TOPBP1: variants seen among roughly 807,000 people sequenced by gnomAD.
TOPBP1 encodes the protein DNA topoisomerase II binding protein 1.
A neutral mutation model predicts 167.7 loss-of-function variants in TOPBP1; 28 were observed. The ratio of observed to expected loss-of-function variants is 0.17; its 90% confidence interval spans 0.12 to 0.23. The LOEUF (loss-of-function observed/expected upper bound fraction) is 0.23, where lower values mean the gene tolerates loss of function less well. TOPBP1 is among the 10% of genes least tolerant of loss of function. TOPBP1 has a pLI of 1.00. For synonymous variants in TOPBP1, 598 were observed against 611.4 expected (o/e 0.98, Z 0.32); for missense variants, 1,554 against 1,809.6 (o/e 0.86, Z 2.56).
intron 25 of TOPBP1, 91 bp from the exon 26 acceptor site, chr3:133,609,053 G>C (rs1934590617): frequency 1.9e-6 from 2 of 1,051,018 alleles, no homozygotes; most frequent in Non-Finnish European, 2.8e-6. Flanking sequence ...ACTTAGTTTT[G>C]TCAATAAATC....
At position 133,621,481 on chromosome 3, in the gene TOPBP1, T is replaced by A. The variant is rs191891055; in HGVS notation, c.3179-1134A>T. Among the ~76,000 whole-genome samples the A allele has an allele frequency of 4.6e-5, 7 of 152,274 alleles. No homozygotes were observed. The East Asian group carries it at 1.3e-3, about 29-fold the overall frequency. ...AGTAAAAAAAATAAAATATAACTAT[T>A]TACAAAACATTTACAGTGCATTAGG... On this transcript the variant is annotated intron_variant, in intron 19 of 27. Coordinates refer to ENST00000260810, the MANE Select transcript of TOPBP1 (RefSeq NM_007027.4).
chr3:133,621,636 G>A (rs534680594), intron 19 of TOPBP1, among the ~76,000 whole-genome samples: 263 of 152,176 alleles, frequency 1.7e-3, no homozygotes, highest in African/African-American at 6.1e-3. Context: ...GTAAGTCCTC[G>A]GAACCACTGC....
chr3:133,638,227 A>G (rs1179327200), intron 13 of TOPBP1, 65 bp from the exon 14 acceptor site: 3 of 1,451,242 alleles, frequency 2.1e-6, no homozygotes, highest in Non-Finnish European at 2.9e-6. Context: ...CCGGTACACA[A>G]GAAGTAATAT....
Position 133,640,122 on chromosome 3 carries a change from A to G in TOPBP1, c.2070T>C (p.Phe690=), listed in dbSNP as rs1198008542. 5.6e-6 allele frequency: 9 copies of G among 1,613,824 alleles called. No individual in the cohort carries two copies. The highest frequency in any genetic ancestry group is 7.6e-6 in the Non-Finnish European group (9 of 1,179,834). The change falls in exon 13 of 28, where the codon TTT becomes TTC. Residue 690 remains phenylalanine, a synonymous_variant. Coordinates refer to ENST00000260810, the MANE Select transcript of TOPBP1 (RefSeq NM_007027.4). ...VRKSNAKKGM[F]ASTHLILKER... ...CTTTCAGTATAAGATGAGTACTGGC[A>G]AACATGCCTTTCTTTGCATTGGATT...
Position 133,601,305 on chromosome 3 carries a change from T to C in TOPBP1, c.4514A>G (p.Gln1505Arg). Residue 1505 changes from glutamine (Q) to arginine (R), a missense_variant, in exon 28 of 28, where the codon CAA (glutamine) becomes CGA (arginine). Around this residue, in one of 3 missense-constraint regions of TOPBP1, gnomAD observed 351 missense variants for 432.9 expected, o/e 0.81. Transcript: ENST00000260810. ...TTTTTCTGTAGGAGCTTTCCTCTTT[T>C]GTGATAATCCAGTCCCAAGTTCCTT... ...NNKELGTGLS[Q>R]KRKAPTEKNK... 6.2e-7 allele frequency: 1 copy of C among 1,608,108 alleles called. No individual in the cohort carries two copies.
intron 25 of TOPBP1, among the ~76,000 whole-genome samples, chr3:133,609,688 C>T (rs925072208): frequency 1.3e-5 from 2 of 152,182 alleles, no homozygotes; most frequent in African/African-American, 4.8e-5. Context: ...CTTCTCTCTC[C>T]TGCCACCATG....
At chr3:133,630,301 C>CTT (rs35595195) in intron 14 of TOPBP1, among the ~76,000 whole-genome samples, 1 of 137,578 alleles carries the variant, frequency 7.3e-6, no homozygotes, top group African/African-American at 2.7e-5. Flanking sequence ...TGCCATGGAG[C>CTT]TTTTTTTTTT....
At chr3:133,655,531 G>A (rs1377144816) in intron 5 of TOPBP1, 45 bp from the exon 6 acceptor site, 2 of 1,072,016 alleles carry the variant, frequency 1.9e-6, no homozygotes, top group South Asian at 2.9e-5. Context: ...AAATTTACCA[G>A]AAGAATAATG....
At position 133,618,429 on chromosome 3, in the gene TOPBP1, A is replaced by G; in HGVS notation, c.3376T>C (p.Ser1126Pro). 1.9e-6 allele frequency: 3 copies of G among 1,613,366 alleles called. No individual in the cohort carries two copies. The highest frequency in any genetic ancestry group is 2.5e-6 in the Non-Finnish European group (3 of 1,179,390). ...TTGACATCAGGTACTGTCTGACGAG[A>G]CTGCCTAAGGAATAGAAGTGACAGT... ...RSRVLEALRQ[S>P]RQTVPDVNTE... The change falls in exon 21 of 28, where the codon TCT (serine) becomes CCT (proline). Residue 1126 changes from serine to proline, a missense_variant. Physicochemically the swap from Ser to Pro is moderately conservative, Grantham distance 74 (BLOSUM62 -1). This residue lies in a region of TOPBP1 where 1,197 missense variants were observed against 1,351.5 expected (regional missense o/e 0.89). Coordinates refer to ENST00000260810, the MANE Select transcript of TOPBP1 (RefSeq NM_007027.4).
rs1294846431 is a variant in TOPBP1 at position 133,600,911 on chromosome 3, G to C, written c.*339C>G. On this transcript the variant is annotated 3_prime_UTR_variant, in exon 28 of 28. Coordinates refer to ENST00000260810, the MANE Select transcript of TOPBP1 (RefSeq NM_007027.4). ...GAATTTGTAAGGCAGACATTTTAAA[G>C]CAAAATCCATTACCTTGCTAAAATT... is the stretch of plus-strand genomic sequence containing the variant. 1 of 160,102 alleles carries C rather than the reference G, an allele frequency of 6.2e-6. No homozygotes were observed. The highest frequency in any genetic ancestry group is 2.4e-5 in the African/African-American group (1 of 41,582). The allele number at this position is 160,102 out of a possible 1,614,324, so 9.9% of individuals were successfully genotyped here. A position where few individuals can be genotyped will look rare whatever the true frequency, so the allele number is the denominator to read the frequency against.
Position 133,639,839 on chromosome 3 carries a change from T to G in TOPBP1, c.2233+120A>C, listed in dbSNP as rs1441891715. The G allele has an allele frequency of 5.4e-6, 5 of 931,398 alleles. No individual in the cohort carries two copies. The African/African-American group carries it at 8.3e-5, about 15-fold the overall frequency. 57.7% of individuals were successfully genotyped at this position (931,398 alleles called of 1,614,324 possible). On this transcript the variant is annotated intron_variant, in intron 13 of 27. Transcript: ENST00000260810. Reference sequence around the variant, plus strand: ...AGACTTCGAACACTGAGACCCTCACTGCACCCAATGTGAAAAGCAAAAATC... The same window carrying G: ...AGACTTCGAACACTGAGACCCTCACGGCACCCAATGTGAAAAGCAAAAATC...
In TOPBP1 at chr3:133,652,648, TA is replaced by T; in HGVS notation, c.923-20del. ...GTACGACCTACATATTTTGAAAACG[TA>T]TAAATTTATGGGAGATAAAATAATC... is the stretch of plus-strand genomic sequence containing the variant. On this transcript the variant is annotated intron_variant, in intron 7 of 27. Coordinates refer to ENST00000260810, the MANE Select transcript of TOPBP1 (RefSeq NM_007027.4). The T allele has an allele frequency of 6.4e-7, 1 of 1,571,000 alleles. No individual in the cohort carries two copies. Among genetic ancestry groups the T allele is most frequent in the Non-Finnish European group, 8.6e-7 (1 of 1,159,044 alleles).
rs1449921658 is a variant in TOPBP1, at chr3:133,628,747, G to A, written c.2521-14C>T. The A allele has an allele frequency of 3.2e-6, 5 of 1,545,338 alleles. No homozygotes were observed. The East Asian group carries it at 9.8e-5, about 30-fold the overall frequency. ...TGCAAGTGCATCCTATACATATGAA[G>A]GAGAGAGAGAGATGGAGAAAAGAAG... is the stretch of plus-strand genomic sequence containing the variant. On this transcript the variant is annotated splice_polypyrimidine_tract_variant and intron_variant, in intron 14 of 27. Coordinates refer to ENST00000260810, the MANE Select transcript of TOPBP1 (RefSeq NM_007027.4).
intron 25 of TOPBP1, among the ~76,000 whole-genome samples, chr3:133,609,256 A>C (rs144014213): frequency 6.6e-6 from 1 of 152,286 alleles, no homozygotes; most frequent in East Asian, 1.9e-4. Flanking sequence ...CTTTTGATTA[A>C]TCAAGGGAAG....
intron 27 of TOPBP1, among the ~76,000 whole-genome samples, chr3:133,602,105 T>C (rs578150462): frequency 5.6e-4 from 86 of 152,310 alleles, no homozygotes; most frequent in Non-Finnish European, 8.5e-4. Flanking sequence ...ACCTAGAGTT[T>C]CTTTTTTAGG....
At chr3:133,655,519 T>A in intron 5 of TOPBP1, 33 bp from the exon 6 acceptor site, 1 of 1,186,312 alleles carries the variant, frequency 8.4e-7, no homozygotes, top group Non-Finnish European at 1.1e-6. Context: ...AAAGAACATA[T>A]TAAATTTACC....
chr3:133,609,087 G>T, intron 25 of TOPBP1, 125 bp from the exon 26 acceptor site: 1 of 772,910 alleles, frequency 1.3e-6, no homozygotes, highest in Non-Finnish European at 2.1e-6. Context: ...TTTTGCCACA[G>T]TATAATTATC....
At chr3:133,612,840 T>A (rs1934726460) in intron 23 of TOPBP1, among the ~76,000 whole-genome samples, 1 of 152,118 alleles carries the variant, frequency 6.6e-6, no homozygotes, top group African/African-American at 2.4e-5. Context: ...GCCACCTTTT[T>A]TTGCTTAACT....
chr3:133,653,356 T>C lies in TOPBP1; in HGVS notation c.911A>G (p.Asn304Ser), dbSNP rs372308044. The C allele has an allele frequency of 1.0e-5, 16 of 1,597,516 alleles. No individual in the cohort carries two copies. Among genetic ancestry groups the C allele is most frequent in the Non-Finnish European group, 1.3e-5 (15 of 1,175,080 alleles). The stretch of plus-strand genomic sequence containing the variant: ...TCAATGAGACTCACTATCAATTGTG[T>C]TGATCTGGCTGGTAGGAGTTGAAGA... ...PNSSTPTSQI[N>S]TIDSRTLSDV... is the part of the protein sequence containing the mutation. Residue 304 changes from asparagine to serine, a missense_variant, in exon 7 of 28, where the codon AAC (asparagine) becomes AGC (serine). Coordinates refer to ENST00000260810, the MANE Select transcript of TOPBP1 (RefSeq NM_007027.4).
Sources: gnomAD v4.1 joint callset for allele counts (sites outside exome capture counted in the v4.1 genomes callset) on GRCh38, gnomAD v4.1.1 for gene constraint, gnomAD v4.1.1 regional missense constraint, MANE v1.5 for transcripts, NCBI Gene and HGNC (gene_info 2026-07-23, HGNC 2026-07-21) for gene names.